F2: variants seen among roughly 807,000 people sequenced by gnomAD.
F2 encodes the protein prothrombin.
In F2, 34 loss-of-function variants were observed where a neutral mutation model predicts 81.9. That is an observed-to-expected ratio of 0.42 (90% CI 0.32 to 0.55). F2 has a LOEUF of 0.55. F2 is among the 20% of genes least tolerant of loss of function. The pLI is 0.18. For synonymous variants in F2, 296 were observed against 326.4 expected, an observed-to-expected ratio of 0.91 and a Z score of 1.01; for missense variants, 630 against 833.4, an observed-to-expected ratio of 0.76 and a Z score of 3.00.
intron 12 of F2, among the ~76,000 whole-genome samples, chr11:46,737,050 A>G (rs1033364367): frequency 9.9e-5 from 15 of 152,078 alleles, no homozygotes; most frequent in African/African-American, 3.6e-4. Flanking sequence ...TGTATTTGTA[A>G]TATCTTATTT....
In F2 at chr11:46,739,105, C is replaced by G. The variant is rs2064961726; in HGVS notation, c.1712C>G (p.Pro571Arg). The G allele has an allele frequency of 6.2e-7, 1 of 1,613,986 alleles. No homozygotes were observed. The highest frequency in any genetic ancestry group is 1.3e-5 in the African/African-American group (1 of 74,886). ...GCCTGTGAAGGTGACAGTGGGGGAC[C>G]CTTTGTCATGAAGGTAAGCTTCTCT... ...GDACEGDSGG[P>R]FVMKSPFNNR... Residue 571 changes from proline to arginine, a missense_variant, in exon 13 of 14, where the codon CCC (proline) becomes CGC (arginine). Coordinates refer to ENST00000311907, the MANE Select transcript of F2 (RefSeq NM_000506.5).
intron 12 of F2, among the ~76,000 whole-genome samples, chr11:46,734,621 G>A (rs2064933150): frequency 6.6e-6 from 1 of 152,066 alleles, no homozygotes; most frequent in Non-Finnish European, 1.5e-5. Flanking sequence ...GACCAGCCTG[G>A]CCAACATGGT....
chr11:46,720,456 A>C, intron 2 of F2, 67 bp from the exon 3 acceptor site: 1 of 1,584,752 alleles, frequency 6.3e-7, no homozygotes, highest in Non-Finnish European at 8.7e-7. Context: ...AGGAGGAGAC[A>C]TAACATTTAC....
In F2 at chr11:46,719,945, C is replaced by T. The variant is rs2070850; in HGVS notation, c.240+83C>T. On this transcript the variant is annotated intron_variant, in intron 2 of 13. Transcript: ENST00000311907. This position sits in a 1 kb window ranked among gnomAD's most constrained non-coding sequence, Gnocchi z 4.7. ...CTTCCACAGAGAAGCAAGCGAGGAA[C>T]GCCACAGCCCCTTCGCTGCTCACAG... 236,262 of 1,503,966 alleles carry T rather than the reference C, an allele frequency of 0.16. 24,471 individuals carry two copies. The highest frequency in any genetic ancestry group is 0.57 in the East Asian group (23,169 of 40,734). The allele number at this position is 1,503,966 out of a possible 1,614,324, so 93.2% of individuals were successfully genotyped here. A position where few individuals can be genotyped will look rare whatever the true frequency, so the allele number is the denominator to read the frequency against.
At chr11:46,722,207 A>G (rs1032062277) in intron 4 of F2, among the ~76,000 whole-genome samples, 1 of 152,216 alleles carries the variant, frequency 6.6e-6, no homozygotes, top group South Asian at 2.1e-4. Context: ...GCCAGGCACT[A>G]TATCAGGTGC....
chr11:46,727,675 G>C (rs2064882722), intron 9 of F2, among the ~76,000 whole-genome samples: 1 of 152,158 alleles, frequency 6.6e-6, no homozygotes, highest in Admixed American at 6.5e-5. Flanking sequence ...CTACTAAGGA[G>C]GCTGAGGCGG....
At position 46,726,258 on chromosome 11, in the gene F2, A is replaced by T; in HGVS notation, c.874+85A>T. ...AGCCGCTTCTGCTTATCGAACGCTT[A>T]CCTCATTGAGTGCGCTCATTACAGC... On this transcript the variant is annotated intron_variant, in intron 7 of 13. Transcript: ENST00000311907. This position sits in a 1 kb window ranked among gnomAD's most constrained non-coding sequence, Gnocchi z 5.9. The T allele has an allele frequency of 6.4e-7, 1 of 1,556,826 alleles. No homozygotes were observed. The highest frequency in any genetic ancestry group is 8.7e-7 in the Non-Finnish European group (1 of 1,145,702).
At chr11:46,720,024 A>G (rs781359748) in intron 2 of F2, 162 bp downstream of exon 2, 1 of 985,008 alleles carries the variant, frequency 1.0e-6, no homozygotes, top group South Asian at 1.5e-5. Context: ...GAGCGGCCTC[A>G]GCCTTTCCTG....
chr11:46,726,824 G>A lies in F2; in HGVS notation c.1117G>A (p.Gly373Ser), dbSNP rs773672109. The A allele has an allele frequency of 6.2e-7, 1 of 1,614,064 alleles. No homozygotes were observed. Among genetic ancestry groups the A allele is most frequent in the Non-Finnish European group, 8.5e-7 (1 of 1,180,002 alleles). ...TGTGGAGGGCTCGGATGCAGAGATC[G>A]GCATGTCACCTTGGTGTGTCCTGGA... Reference protein sequence around the residue: ...RIVEGSDAEIGMSPWQVMLFR... With the variant: ...RIVEGSDAEISMSPWQVMLFR... The change falls in exon 9 of 14, where the codon GGC becomes AGC. Residue 373 changes from glycine (G) to serine (S), a missense_variant. By Grantham distance (56) the Gly-to-Ser change is moderately conservative. Transcript: ENST00000311907. This position sits in a 1 kb window ranked among gnomAD's most constrained non-coding sequence, Gnocchi z 5.9.
Position 46,725,864 on chromosome 11 carries a change from G to T in F2, c.565G>T (p.Asp189Tyr), listed in dbSNP as rs764778271. The T allele has an allele frequency of 1.2e-6, 2 of 1,612,806 alleles. No homozygotes were observed. The highest frequency in any genetic ancestry group is 2.2e-5 in the South Asian group (2 of 91,040). Residue 189 changes from aspartate (D) to tyrosine (Y), a missense_variant, in exon 7 of 14, where the codon GAT (aspartate) becomes TAT (tyrosine). Physicochemically the swap from Asp to Tyr is radical, Grantham distance 160. Coordinates refer to ENST00000311907, the MANE Select transcript of F2 (RefSeq NM_000506.5). The stretch of plus-strand genomic sequence containing the variant: ...CCTTGCCCCTCACCCACCAGGCCAG[G>T]ATCAAGTCACTGTAGCGATGACTCC... The part of the protein sequence containing the change: ...QECSIPVCGQ[D>Y]QVTVAMTPRS...
intron 6 of F2, among the ~76,000 whole-genome samples, chr11:46,725,069 C>CT (rs71455298): frequency 0.085 from 9,009 of 106,204 alleles, 2,049 homozygotes; most frequent in African/African-American, 0.37. Context: ...TGCGCCCGGC[C>CT]TTTTTTTTTT....
chr11:46,739,222 C>A, intron 13 of F2, 43 bp from the exon 14 acceptor site: 5 of 1,613,710 alleles, frequency 3.1e-6, no homozygotes, highest in Non-Finnish European at 4.2e-6. Flanking sequence ...ACTGATGTGA[C>A]CTTGAACTTG....
At chr11:46,729,908 G>A (rs2064899903) in intron 12 of F2, among the ~76,000 whole-genome samples, 1 of 151,794 alleles carries the variant, frequency 6.6e-6, no homozygotes, top group Non-Finnish European at 1.5e-5. Context: ...CAGGGACCCA[G>A]ACGGACAATG....
rs768384383 is a variant in F2, at chr11:46,728,074, C to T, written c.1209C>T (p.Thr403=). Residue 403 remains threonine, a synonymous_variant, in exon 10 of 14, where the codon ACC becomes ACT. Coordinates refer to ENST00000311907, the MANE Select transcript of F2 (RefSeq NM_000506.5). The surrounding 1 kb of genome is among the most constrained non-coding windows in gnomAD (Gnocchi z 5.1). ...ASLISDRWVL[T]AAHCLLYPPW... is the part of the protein sequence containing the mutation. ...TCATCAGTGACCGCTGGGTCCTCAC[C>T]GCCGCCCACTGCCTCCTGTACCCGC... The T allele has an allele frequency of 6.0e-5, 96 of 1,610,388 alleles. No homozygotes were observed. The highest frequency in any genetic ancestry group is 1.6e-4 in the Middle Eastern group (1 of 6,080).
chr11:46,738,853 G>A (rs2064960049), intron 12 of F2, among the ~76,000 whole-genome samples, 195 bp from the exon 13 acceptor site: 1 of 152,238 alleles, frequency 6.6e-6, no homozygotes, highest in African/African-American at 2.4e-5. Flanking sequence ...GAAGTGGTGA[G>A]AAGGGTTTGG....
chr11:46,730,743 T>C (rs1471519506), intron 12 of F2, among the ~76,000 whole-genome samples: 1 of 151,384 alleles, frequency 6.6e-6, no homozygotes, highest in Non-Finnish European at 1.5e-5. Flanking sequence ...TCCTGTATAC[T>C]GTCATCCAGA....
At position 46,723,625 on chromosome 11, in the gene F2, T is replaced by A. The variant is rs1339926104; in HGVS notation, c.559+107T>A. The stretch of plus-strand genomic sequence containing the variant: ...ATACTGGCTACCCAGGCACAGTGGC[T>A]CATGCCCGTAATCCCAGCACTTTGG... On this transcript the variant is annotated intron_variant, in intron 6 of 13. Coordinates refer to ENST00000311907, the MANE Select transcript of F2 (RefSeq NM_000506.5). This position sits in a 1 kb window ranked among gnomAD's most constrained non-coding sequence, Gnocchi z 5.6. 1 of 1,398,404 alleles carries A rather than the reference T, an allele frequency of 7.2e-7. No homozygotes were observed. The highest frequency in any genetic ancestry group is 9.8e-7 in the Non-Finnish European group (1 of 1,022,046). The allele number at this position is 1,398,404 out of a possible 1,614,324, so 86.6% of individuals were successfully genotyped here.
In F2 at chr11:46,726,480, G is replaced by A; in HGVS notation, c.875-18G>A. ...GAATGGCCCAGCCCAGTCCCAGCCGGTGCCTGGGTCCCAACAGAGGAGGCC... is the reference window on the plus strand; with the variant it reads ...GAATGGCCCAGCCCAGTCCCAGCCGATGCCTGGGTCCCAACAGAGGAGGCC... On this transcript the variant is annotated intron_variant, in intron 7 of 13. Transcript: ENST00000311907. The surrounding 1 kb of genome is among the most constrained non-coding windows in gnomAD (Gnocchi z 5.9). The A allele has an allele frequency of 6.2e-7, 1 of 1,612,180 alleles. No homozygotes were observed. Among genetic ancestry groups the A allele is most frequent in the Non-Finnish European group, 8.5e-7 (1 of 1,179,116 alleles).
At position 46,728,905 on chromosome 11, in the gene F2, T is replaced by G. The variant is rs1020807515; in HGVS notation, c.1472+68T>G. Reference sequence around the variant, plus strand: ...TTCTGGGCCTGGCTCTGATACCAAGTAGCCTTGCAAGAGCCCCTTTCCCTT... The same window carrying G: ...TTCTGGGCCTGGCTCTGATACCAAGGAGCCTTGCAAGAGCCCCTTTCCCTT... On this transcript the variant is annotated intron_variant, in intron 11 of 13. Transcript: ENST00000311907. This position sits in a 1 kb window ranked among gnomAD's most constrained non-coding sequence, Gnocchi z 5.1. 5 of 1,565,564 alleles carry G rather than the reference T, an allele frequency of 3.2e-6. No individual in the cohort carries two copies. The Admixed American group carries it at 8.4e-5, about 26-fold the overall frequency.
Sources: gnomAD v4.1 joint callset for allele counts (sites outside exome capture counted in the v4.1 genomes callset) on GRCh38, gnomAD v4.1.1 for gene constraint, Gnocchi (gnomAD v3.1) non-coding constraint, MANE v1.5 for transcripts, NCBI Gene and HGNC (gene_info 2026-07-23, HGNC 2026-07-21) for gene names.